LRCH2: variants seen among roughly 807,000 people sequenced by gnomAD.
LRCH2 encodes leucine rich repeats and calponin homology domain containing 2.
In LRCH2, 38 loss-of-function variants were observed where a neutral mutation model predicts 68.9. The observed-to-expected ratio is 0.55, with a 90% CI of 0.43 to 0.72. The LOEUF (loss-of-function observed/expected upper bound fraction) is 0.72. Ranked by LOEUF, LRCH2 falls within the 30% of genes least tolerant of loss-of-function variation. The pLI is 0.00. For synonymous variants in LRCH2, 191 were observed against 208.1 expected, an observed-to-expected ratio of 0.92 and a Z score of 0.71; for missense variants, 528 against 572.9, an observed-to-expected ratio of 0.92 and a Z score of 0.80.
At chrX:115,161,005 A>G (rs1410407061) in intron 11 of LRCH2, among the ~76,000 whole-genome samples, 1 of 112,547 alleles carries the variant, frequency 8.9e-6, no homozygotes, top group Non-Finnish European at 1.9e-5. Context: ...TCAGGCATTA[A>G]CAGAATTGGC....
chrX:115,217,248 C>T (rs939444212), intron 1 of LRCH2, among the ~76,000 whole-genome samples: 1 of 111,679 alleles, frequency 9.0e-6, no homozygotes, highest in Non-Finnish European at 1.9e-5. Context: ...TTTTATTATA[C>T]TTTAAGTTCT....
At chrX:115,228,288 C>G (rs2073132097) in intron 1 of LRCH2, among the ~76,000 whole-genome samples, 1 of 111,203 alleles carries the variant, frequency 9.0e-6, no homozygotes, top group Non-Finnish European at 1.9e-5. Flanking sequence ...CTGAAACTTT[C>G]CAGATAACTG....
intron 16 of LRCH2, among the ~76,000 whole-genome samples, chrX:115,125,583 A>G: frequency 4.7e-5 from 1 of 21,320 alleles, no homozygotes; most frequent in Admixed American, 9.0e-4. Flanking sequence ...ACACACACAC[A>G]TATATATATA....
At chrX:115,197,588 C>T (rs959395813) in intron 1 of LRCH2, among the ~76,000 whole-genome samples, 1 of 109,968 alleles carries the variant, frequency 9.1e-6, no homozygotes. Context: ...CCTGTCTCTA[C>T]TAAAAATACA....
At chrX:115,193,821 G>A (rs1458187402) in intron 1 of LRCH2, among the ~76,000 whole-genome samples, 1 of 111,092 alleles carries the variant, frequency 9.0e-6, no homozygotes, top group African/African-American at 3.3e-5. Context: ...GACAAATAAT[G>A]TCCCCAAAGG....
At chrX:115,184,041 C>T (rs1556553573) in intron 3 of LRCH2, among the ~76,000 whole-genome samples, 1 of 112,383 alleles carries the variant, frequency 8.9e-6, no homozygotes, top group African/African-American at 3.2e-5. Context: ...CTTCTTTTAT[C>T]TCCTTTGTTT....
chrX:115,192,364 G>A (rs1603082612), intron 1 of LRCH2: 2 of 1,072,075 alleles, frequency 1.9e-6, no homozygotes, highest in Non-Finnish European at 2.5e-6. Flanking sequence ...CGGCCTGAGC[G>A]ACCGCTACGG....
Position 115,233,801 on chromosome X carries a change from C to G in LRCH2, c.241G>C (p.Asp81His), listed in dbSNP as rs1207924020. The G allele has an allele frequency of 8.5e-7, 1 of 1,171,590 alleles. No individual in the cohort carries two copies. Among genetic ancestry groups the G allele is most frequent in the African/African-American group, 1.8e-5 (1 of 55,917 alleles). The change falls in exon 1 of 21, where the codon GAC becomes CAC. Residue 81 changes from aspartate to histidine, a missense_variant. Asp to His is a moderately conservative substitution (Grantham distance 81, BLOSUM62 -1). Coordinates refer to ENST00000317135, the MANE Select transcript of LRCH2 (RefSeq NM_020871.4). ...LQPQHTVRSL[D>H]RALEEAGSSG... ...CTGCCCGCCTCTTCCAGGGCCCGGT[C>G]CAGGCTCCTCACGGTGTGCTGAGGC...
At chrX:115,128,928 A>G (rs1047570855) in intron 15 of LRCH2, among the ~76,000 whole-genome samples, 5 of 112,121 alleles carry the variant, frequency 4.5e-5, no homozygotes, top group African/African-American at 1.6e-4. Flanking sequence ...AGGCGACAGT[A>G]TTGTCTAAAG....
chrX:115,149,397 A>G (rs1556537610), intron 14 of LRCH2, among the ~76,000 whole-genome samples: 1 of 111,812 alleles, frequency 8.9e-6, no homozygotes, highest in Non-Finnish European at 1.9e-5. Context: ...ACAAGAAGAA[A>G]AAAATGGAAA....
intron 1 of LRCH2, among the ~76,000 whole-genome samples, chrX:115,197,847 TCACACACACACA>T (rs1556564243): frequency 4.9e-5 from 1 of 20,569 alleles, no homozygotes; most frequent in African/African-American, 1.9e-4. Context: ...TCTCTCTCTC[TCACACACACACA>T]CACACACACA....
intron 20 of LRCH2, among the ~76,000 whole-genome samples, chrX:115,117,417 G>A (rs782727744): frequency 9.0e-6 from 1 of 111,540 alleles, no homozygotes; most frequent in South Asian, 3.7e-4. Flanking sequence ...ACTTCCATAT[G>A]TTCCAGTTAT....
At chrX:115,153,870 G>A in intron 12 of LRCH2, among the ~76,000 whole-genome samples, 1 of 111,029 alleles carries the variant, frequency 9.0e-6, no homozygotes, top group East Asian at 2.8e-4. Context: ...AAAAAGGATA[G>A]AACAGAAAGA....
rs1457456458 is a variant in LRCH2, at chrX:115,234,010, C to A, written c.32G>T (p.Ser11Ile). The A allele has an allele frequency of 8.6e-7, 1 of 1,166,903 alleles. No individual in the cohort carries two copies. Among genetic ancestry groups the A allele is most frequent in the Non-Finnish European group, 1.1e-6 (1 of 872,834 alleles). ...ACCTCCACCACAACCGCCGCCCCCA[C>A]TGTTACCGCCTCCTCCCTGACTCGC... Reference protein sequence around the residue: MAASQGGGGNSGGGGCGGGGS... With the variant: MAASQGGGGNIGGGGCGGGGS... Residue 11 changes from serine to isoleucine, a missense_variant, in exon 1 of 21, where the codon AGT (serine) becomes ATT (isoleucine). Physicochemically the swap from Ser to Ile is moderately radical, Grantham distance 142. Transcript: ENST00000317135.
At chrX:115,136,694 G>C (rs937851760) in intron 14 of LRCH2, among the ~76,000 whole-genome samples, 3 of 111,504 alleles carry the variant, frequency 2.7e-5, no homozygotes, top group Non-Finnish European at 5.6e-5. Flanking sequence ...ACAAAGAGCA[G>C]TTTAATGAGG....
At chrX:115,205,892 C>T (rs1556567822) in intron 1 of LRCH2, among the ~76,000 whole-genome samples, 1 of 110,033 alleles carries the variant, frequency 9.1e-6, no homozygotes, top group Non-Finnish European at 1.9e-5. Flanking sequence ...GAGCCGAGAT[C>T]ACGCCATTGC....
Position 115,149,894 on chromosome X carries a change from G to A in LRCH2, c.1628C>T (p.Ser543Phe), listed in dbSNP as rs200255300. 62 of 1,204,129 alleles carry A rather than the reference G, an allele frequency of 5.1e-5. No individual in the cohort carries two copies. The highest frequency in any genetic ancestry group is 6.7e-5 in the Non-Finnish European group (60 of 891,573). The change falls in exon 14 of 21, where the codon TCT becomes TTT. Residue 543 changes from serine to phenylalanine, a missense_variant. Ser to Phe is a radical substitution (Grantham distance 155, BLOSUM62 -2). Transcript: ENST00000317135. ...TTCACTCTGCCAGATTATAGGGTGA[G>A]ATTCTGGCCACGGTTGTTCATCTAT... Reference protein sequence around the residue: ...DQIDEQPWPESHPIIWQSEER... With the variant: ...DQIDEQPWPEFHPIIWQSEER...
chrX:115,179,514 C>A lies in LRCH2; in HGVS notation c.777G>T (p.Val259=). 1.7e-6 allele frequency: 2 copies of A among 1,143,379 alleles called. No individual in the cohort carries two copies. The highest frequency in any genetic ancestry group is 2.1e-5 in the South Asian group (1 of 46,785). 94.2% of individuals were successfully genotyped at this position (1,143,379 alleles called of 1,213,427 possible). A position where few individuals can be genotyped will look rare whatever the true frequency, so the allele number is the denominator to read the frequency against. The change falls in exon 5 of 21, where the codon GTG becomes GTT. Residue 259 remains valine, a synonymous_variant. Coordinates refer to ENST00000317135, the MANE Select transcript of LRCH2 (RefSeq NM_020871.4). The part of the protein sequence containing the change: ...LVKLDFSCNK[V]TEIPVCYRKL... ...TTCTGTAACAAACTGGAATTTCGGT[C>A]ACTTTATTACAAGAGAAATCCAGCT... is the stretch of plus-strand genomic sequence containing the variant.
In LRCH2 at chrX:115,190,392, G is replaced by A. The variant is rs1470554582; in HGVS notation, c.350-2022C>T. 9.5e-6 allele frequency: 11 copies of A among 1,161,843 alleles called. No individual in the cohort carries two copies. In the Admixed American group the frequency reaches 1.0e-4, roughly 11 times the overall value. On this transcript the variant is annotated intron_variant, in intron 1 of 20. Coordinates refer to ENST00000317135, the MANE Select transcript of LRCH2 (RefSeq NM_020871.4). ...GCCCATGCGGCGCTGCCCCTGTGTG[G>A]GGGACACCGCCATCTTATGGAGGAG...
Sources: allele counts gnomAD v4.1 joint callset (sites outside exome capture counted in the v4.1 genomes callset), GRCh38; gene constraint gnomAD v4.1.1; transcripts MANE v1.5; gene names NCBI Gene and HGNC (gene_info 2026-07-23, HGNC 2026-07-21).